The following B3GALT1 variants were observed in gnomAD, a reference collection of about 807,000 sequenced individuals.
B3GALT1 encodes UDP-Gal:betaGlcNAc beta 1,3-galactosyltransferase, polypeptide 1.
A neutral mutation model predicts 23.2 loss-of-function variants in B3GALT1; 10 were observed. That is an observed-to-expected ratio of 0.43 (90% CI 0.27 to 0.73). B3GALT1 has a LOEUF of 0.73. Among genes scored for constraint, B3GALT1 ranks in the 30% least tolerant of loss-of-function variants. B3GALT1 has a pLI of 0.21. For missense variants in B3GALT1, 299 were observed against 405.4 expected, an observed-to-expected ratio of 0.74 and a Z score of 2.25; for synonymous variants, 156 against 141.5, an observed-to-expected ratio of 1.10 and a Z score of -0.73.
chr2:167,725,542 C>T (rs1687298627), intron 3 of B3GALT1, among the ~76,000 whole-genome samples: 1 of 152,170 alleles, frequency 6.6e-6, no homozygotes, highest in Non-Finnish European at 1.5e-5. Flanking sequence ...TCAGTCCCTT[C>T]AGTTTTTAGA....
Position 167,831,632 on chromosome 2 carries a change from G to A in B3GALT1, c.-230+12839G>A, listed in dbSNP as rs17832506. Among the ~76,000 whole-genome samples, 298 of 152,256 alleles carry A rather than the reference G, an allele frequency of 2.0e-3. 1 individual carries two copies. Among genetic ancestry groups the A allele is most frequent in the Non-Finnish European group, 3.4e-3 (231 of 68,014 alleles). The stretch of plus-strand genomic sequence containing the variant: ...GATATGAATAGAGGGAAAAAGAGAT[G>A]GGAGGGACGCTTTAAAGGTGGATTA... On this transcript the variant is annotated intron_variant, in intron 4 of 4. Coordinates refer to ENST00000392690, the MANE Select transcript of B3GALT1 (RefSeq NM_020981.4).
chr2:167,556,161 T>C (rs1683845919), intron 2 of B3GALT1, among the ~76,000 whole-genome samples: 1 of 152,060 alleles, frequency 6.6e-6, no homozygotes. Flanking sequence ...AAAGGAAAGA[T>C]CACTCTATAT....
intron 1 of B3GALT1, among the ~76,000 whole-genome samples, chr2:167,371,165 ATGTT>A (rs2105269610): frequency 6.6e-6 from 1 of 152,006 alleles, no homozygotes; most frequent in South Asian, 2.1e-4. Context: ...TTTACAAAAA[ATGTT>A]TGTTCTATGA....
chr2:167,293,873 GGAAGA>G (rs1696300307), intron 1 of B3GALT1, among the ~76,000 whole-genome samples: 5 of 148,112 alleles, frequency 3.4e-5, no homozygotes, highest in Admixed American at 1.4e-4. Context: ...GGAGGGGAAG[GGAAGA>G]GAGGGAAAAG....
chr2:167,398,952 G>A (rs562992019), intron 1 of B3GALT1, among the ~76,000 whole-genome samples: 61 of 152,250 alleles, frequency 4.0e-4, no homozygotes, highest in African/African-American at 1.3e-3. Flanking sequence ...ACATCTGTCA[G>A]CACAGACCTC....
intron 1 of B3GALT1, among the ~76,000 whole-genome samples, chr2:167,473,083 C>A (rs1032067958): frequency 2.0e-5 from 3 of 152,074 alleles, no homozygotes; most frequent in Non-Finnish European, 4.4e-5. Context: ...CCACTTAGGA[C>A]CTTAACAGTG....
At chr2:167,621,803 G>A (rs1347569013) in intron 2 of B3GALT1, among the ~76,000 whole-genome samples, 1 of 152,026 alleles carries the variant, frequency 6.6e-6, no homozygotes, top group African/African-American at 2.4e-5. Context: ...TCTAACTGCT[G>A]CTGCCTTGTG....
chr2:167,513,537 A>T (rs1700059535), intron 2 of B3GALT1, among the ~76,000 whole-genome samples: 1 of 152,182 alleles, frequency 6.6e-6, no homozygotes, highest in South Asian at 2.1e-4. Context: ...TATATTAAAG[A>T]TTCTATAGTT....
intron 1 of B3GALT1, among the ~76,000 whole-genome samples, chr2:167,309,205 A>C (rs1413221402): frequency 1.3e-5 from 2 of 152,050 alleles, no homozygotes; most frequent in Non-Finnish European, 2.9e-5. Flanking sequence ...GCTCTAGAGC[A>C]GAAAGGTTAG....
chr2:167,500,759 T>C (rs1699838403), intron 2 of B3GALT1, among the ~76,000 whole-genome samples: 3 of 152,216 alleles, frequency 2.0e-5, no homozygotes, highest in South Asian at 4.1e-4. Context: ...GCTAATGTTA[T>C]TGAGACTTTC....
intron 3 of B3GALT1, among the ~76,000 whole-genome samples, chr2:167,656,935 A>C (rs762355764): frequency 1.3e-5 from 2 of 152,120 alleles, no homozygotes; most frequent in Non-Finnish European, 1.5e-5. Flanking sequence ...CAGTGCTGGC[A>C]GCTGTAGATG....
intron 2 of B3GALT1, among the ~76,000 whole-genome samples, chr2:167,585,919 G>A (rs111931595): frequency 0.014 from 2,197 of 152,288 alleles, 25 homozygotes; most frequent in Middle Eastern, 0.017. Context: ...ACAAAAGAAC[G>A]TATATGTATC....
chr2:167,739,288 G>T (rs1687538526), intron 3 of B3GALT1, among the ~76,000 whole-genome samples: 2 of 152,168 alleles, frequency 1.3e-5, no homozygotes, highest in South Asian at 4.1e-4. Flanking sequence ...GGATAGCTTG[G>T]TGAAGTGATG....
At position 167,568,109 on chromosome 2, in the gene B3GALT1, C is replaced by T. The variant is rs182693172; in HGVS notation, c.-410+77832C>T. On this transcript the variant is annotated intron_variant, in intron 2 of 4. Transcript: ENST00000392690. ...AATAATAGTCCATTATCTGGTTGTA[C>T]CACAGTTTATTCATTCACCTACTGA... Among the ~76,000 whole-genome samples the T allele has an allele frequency of 7.9e-5, 12 of 152,206 alleles. No homozygotes were observed. In the East Asian group the frequency reaches 2.3e-3, roughly 29 times the overall value.
chr2:167,828,611 A>G (rs928850240), intron 4 of B3GALT1, among the ~76,000 whole-genome samples: 5 of 152,212 alleles, frequency 3.3e-5, no homozygotes, highest in Admixed American at 1.3e-4. Flanking sequence ...CATAAAATTG[A>G]TATCTTCACA....
At chr2:167,709,624 A>G (rs953560266) in intron 3 of B3GALT1, among the ~76,000 whole-genome samples, 2 of 152,198 alleles carry the variant, frequency 1.3e-5, no homozygotes, top group African/African-American at 2.4e-5. Flanking sequence ...CACAAAAGGC[A>G]TAGTGATAGT....
intron 3 of B3GALT1, among the ~76,000 whole-genome samples, chr2:167,655,391 A>G (rs549651237): frequency 6.6e-6 from 1 of 152,320 alleles, no homozygotes; most frequent in East Asian, 1.9e-4. Context: ...AAAGATCCTG[A>G]GCATTTGACC....
intron 1 of B3GALT1, among the ~76,000 whole-genome samples, chr2:167,364,633 C>G (rs1697558417): frequency 6.6e-6 from 1 of 152,142 alleles, no homozygotes; most frequent in Non-Finnish European, 1.5e-5. Flanking sequence ...ATGATGGTTT[C>G]CAGCGTCATC....
At chr2:167,538,843 A>C (rs1341155623) in intron 2 of B3GALT1, among the ~76,000 whole-genome samples, 1 of 152,200 alleles carries the variant, frequency 6.6e-6, no homozygotes, top group Non-Finnish European at 1.5e-5. Context: ...TTTCACACAC[A>C]AAAACTATGC....
Sources: allele counts gnomAD v4.1 joint callset (sites outside exome capture counted in the v4.1 genomes callset), GRCh38; gene constraint gnomAD v4.1.1; transcripts MANE v1.5; gene names NCBI Gene and HGNC (gene_info 2026-07-23, HGNC 2026-07-21).